LYZL4: variants seen among roughly 807,000 people sequenced by gnomAD.
LYZL4 encodes the protein lysozyme like 4.
Under a neutral mutation model 17.6 loss-of-function variants are expected in LYZL4, and 13 were observed. That is an observed-to-expected ratio of 0.74 (90% CI 0.48 to 1.18). The LOEUF (loss-of-function observed/expected upper bound fraction) is 1.18. Ranked by LOEUF, LYZL4 falls within the 50% of genes most tolerant of loss-of-function variation. The probability of loss-of-function intolerance (pLI) is 0.00; values close to 1 mark genes in which losing one functional copy is unlikely to be tolerated. For missense variants in LYZL4, 174 were observed against 188.2 expected (o/e 0.92, Z 0.44); for synonymous variants, 64 against 67.7 (o/e 0.95, Z 0.27).
At chr3:42,366,350 G>C in the LYZL4 span, among the ~76,000 whole-genome samples, 1 of 152,174 alleles carries the variant, frequency 6.6e-6, no homozygotes, top group African/African-American at 2.4e-5. Context: ...GTAGAGCAGT[G>C]AGCACTGAGT....
downstream of LYZL4, among the ~76,000 whole-genome samples, chr3:42,392,711 G>A (rs151303539): frequency 6.6e-6 from 1 of 152,258 alleles, no homozygotes; most frequent in East Asian, 1.9e-4. Flanking sequence ...GACATGAGGT[G>A]AGAGACAGTG....
the LYZL4 span, among the ~76,000 whole-genome samples, chr3:42,365,418 T>C: frequency 6.6e-6 from 1 of 152,194 alleles, no homozygotes; most frequent in Non-Finnish European, 1.5e-5. Context: ...AGGTTCTCTG[T>C]AGTTATCTAG....
chr3:42,388,460 A>G, the LYZL4 span, among the ~76,000 whole-genome samples: 1 of 152,214 alleles, frequency 6.6e-6, no homozygotes. Context: ...AGCTCCTTCT[A>G]CCAGGCTTGG....
At chr3:42,389,836 C>T in the LYZL4 span, among the ~76,000 whole-genome samples, 42 of 152,114 alleles carry the variant, frequency 2.8e-4, no homozygotes, top group Non-Finnish European at 3.1e-4. Context: ...TCCTATAGTA[C>T]CTCTCTCCAC....
intron 4 of LYZL4, among the ~76,000 whole-genome samples, chr3:42,398,469 A>C (rs934699601): frequency 7.9e-5 from 12 of 152,236 alleles, no homozygotes; most frequent in Non-Finnish European, 1.5e-5. Context: ...AAGGTATTTC[A>C]AACACTCCAA....
At chr3:42,380,615 C>G in the LYZL4 span, among the ~76,000 whole-genome samples, 1 of 152,158 alleles carries the variant, frequency 6.6e-6, no homozygotes, top group African/African-American at 2.4e-5. Flanking sequence ...GGCCCGGAGA[C>G]CAGCTTTCTA....
chr3:42,403,444 A>T (rs1031993370), intron 4 of LYZL4, among the ~76,000 whole-genome samples: 6 of 151,786 alleles, frequency 4.0e-5, no homozygotes, highest in Admixed American at 6.6e-5. Context: ...TTATTTATTT[A>T]TTTATTTTTT....
chr3:42,392,536 G>A (rs1332960108), downstream of LYZL4, among the ~76,000 whole-genome samples: 1 of 152,170 alleles, frequency 6.6e-6, no homozygotes, highest in African/African-American at 2.4e-5. Flanking sequence ...CTTTAAATAT[G>A]TACAGCTACT....
At chr3:42,392,044 T>C in the LYZL4 span, among the ~76,000 whole-genome samples, 1 of 151,288 alleles carries the variant, frequency 6.6e-6, no homozygotes, top group Non-Finnish European at 1.5e-5. Flanking sequence ...ACTTTTTGTA[T>C]TTTTTTTTGT....
chr3:42,393,211 C>G (rs1456752961), downstream of LYZL4, among the ~76,000 whole-genome samples: 5 of 152,254 alleles, frequency 3.3e-5, no homozygotes, highest in Middle Eastern at 3.4e-3. Flanking sequence ...GCAAAACCAG[C>G]CACAACTTAG....
chr3:42,408,506 T>G (rs1049482863), intron 1 of LYZL4, among the ~76,000 whole-genome samples: 10 of 152,292 alleles, frequency 6.6e-5, no homozygotes, highest in African/African-American at 2.4e-4. Flanking sequence ...TGATGGATCC[T>G]CCATAAAAGT....
the LYZL4 span, among the ~76,000 whole-genome samples, chr3:42,362,103 A>T: frequency 6.6e-6 from 1 of 152,246 alleles, no homozygotes; most frequent in Non-Finnish European, 1.5e-5. Context: ...ATTTATTATA[A>T]AACACTGAAT....
chr3:42,377,125 A>G, the LYZL4 span, among the ~76,000 whole-genome samples: 4 of 152,198 alleles, frequency 2.6e-5, no homozygotes, highest in Non-Finnish European at 5.9e-5. Flanking sequence ...GCAGTAGGAC[A>G]GTATTCCAGA....
At chr3:42,389,865 T>C in the LYZL4 span, among the ~76,000 whole-genome samples, 1 of 152,150 alleles carries the variant, frequency 6.6e-6, no homozygotes, top group Non-Finnish European at 1.5e-5. Flanking sequence ...TCTTCACCTA[T>C]GGCTTCATGG....
intron 4 of LYZL4, among the ~76,000 whole-genome samples, chr3:42,401,790 G>A (rs978605536): frequency 2.6e-5 from 4 of 152,094 alleles, no homozygotes; most frequent in African/African-American, 4.8e-5. Context: ...AACACAATCT[G>A]ATTAAGAGTA....
the LYZL4 span, among the ~76,000 whole-genome samples, chr3:42,375,176 T>C: frequency 6.6e-6 from 1 of 152,180 alleles, no homozygotes; most frequent in Non-Finnish European, 1.5e-5. Context: ...GTTCTTCAGC[T>C]ACACCAAGAG....
chr3:42,401,335 C>T (rs567630396), intron 4 of LYZL4, among the ~76,000 whole-genome samples: 3 of 152,134 alleles, frequency 2.0e-5, no homozygotes, highest in Admixed American at 6.5e-5. Flanking sequence ...ATCAGCCTCC[C>T]GAGTGGCTGG....
At chr3:42,373,271 G>A in the LYZL4 span, among the ~76,000 whole-genome samples, 8 of 152,208 alleles carry the variant, frequency 5.3e-5, no homozygotes, top group African/African-American at 7.2e-5. Flanking sequence ...GGTGCGGAGA[G>A]CCTGGGGAGG....
At chr3:42,367,555 G>A in the LYZL4 span, among the ~76,000 whole-genome samples, 3 of 152,200 alleles carry the variant, frequency 2.0e-5, no homozygotes, top group African/African-American at 7.2e-5. Flanking sequence ...GCACAGGAGG[G>A]TCAAGGGTGC....
Sources: gnomAD v4.1 joint callset for allele counts (sites outside exome capture counted in the v4.1 genomes callset) on GRCh38, gnomAD v4.1.1 for gene constraint, MANE v1.5 for transcripts, NCBI Gene and HGNC (gene_info 2026-07-23, HGNC 2026-07-21) for gene names.